DNASE1: variants seen among roughly 807,000 people sequenced by gnomAD.
DNASE1 encodes deoxyribonuclease 1.
Under a neutral mutation model 33.9 loss-of-function variants are expected in DNASE1, and 40 were observed. The ratio of observed to expected loss-of-function variants is 1.18; its 90% CI spans 0.92 to 1.54. The LOEUF is 1.54. Among genes scored for constraint, DNASE1 ranks in the 40% most tolerant of loss-of-function variants. The pLI, the probability that DNASE1 is intolerant of heterozygous loss-of-function variation, is 0.00. For synonymous variants in DNASE1, 216 were observed against 160.0 expected (o/e 1.35, Z -2.64); for missense variants, 518 against 372.6 (o/e 1.39, Z -3.21).
chr16:3,639,411 C>G (rs1448469953), upstream of DNASE1, among the ~76,000 whole-genome samples: 2 of 152,186 alleles, frequency 1.3e-5, no homozygotes, highest in African/African-American at 4.8e-5. Flanking sequence ...ACACCAACCC[C>G]CCGGCTTTCC....
upstream of DNASE1, among the ~76,000 whole-genome samples, chr16:3,638,466 T>A (rs1270574088): frequency 6.6e-6 from 1 of 152,064 alleles, no homozygotes; most frequent in Non-Finnish European, 1.5e-5. Context: ...GCCTCCCGAG[T>A]AGCTGGGACT....
intron 1 of DNASE1, among the ~76,000 whole-genome samples, chr16:3,637,353 T>C (rs2379218): frequency 2.8e-3 from 428 of 152,308 alleles, no homozygotes; most frequent in Middle Eastern, 0.02. Flanking sequence ...TGTTATTATA[T>C]AGGAGCCCTA....
chr16:3,661,846 T>A, downstream of DNASE1: 1 of 1,139,872 alleles, frequency 8.8e-7, no homozygotes, highest in Non-Finnish European at 1.2e-6. Context: ...CAGCCTAAAC[T>A]GCATACAGCT....
intron 1 of DNASE1, among the ~76,000 whole-genome samples, chr16:3,617,326 C>CAAAAAAAAAAAAAAAAA (rs56670885): frequency 1.4e-3 from 82 of 57,710 alleles, no homozygotes; most frequent in African/African-American, 4.5e-3. Context: ...AACTCCATCT[C>CAAAAAAAAAAAAAAAAA]AAAAAAAAAA....
In DNASE1 at chr16:3,657,293, C is replaced by G; in HGVS notation, c.656C>G (p.Pro219Arg). Residue 219 changes from proline to arginine, a missense_variant, in exon 7 of 9, where the codon CCC (proline) becomes CGC (arginine). Physicochemically the swap from Pro to Arg is moderately radical, Grantham distance 103. Coordinates refer to ENST00000246949, the MANE Select transcript of DNASE1 (RefSeq NM_005223.4). ...WTSPTFQWLIPDSADTTATPT... is the reference protein window; with the variant it reads ...WTSPTFQWLIRDSADTTATPT... ...AGCCCCACCTTCCAGTGGCTGATCC[C>G]CGACAGCGCTGACACCACAGCTACA... 6.2e-7 allele frequency: 1 copy of G among 1,613,942 alleles called. No individual in the cohort carries two copies. The highest frequency in any genetic ancestry group is 1.1e-5 in the South Asian group (1 of 91,088).
intron 1 of DNASE1, among the ~76,000 whole-genome samples, chr16:3,619,454 C>T (rs915483447): frequency 2.6e-5 from 4 of 152,018 alleles, no homozygotes; most frequent in South Asian, 2.1e-4. Context: ...CTCTGCCTCC[C>T]AGTTGCATGC....
Position 3,658,086 on chromosome 16 carries a change from G to A in DNASE1, c.*133G>A, listed in dbSNP as rs1316345038. ...TTAGGTAAATAAAGCTCAAGGAGGT[G>A]GGGCTGTCATCTGTGGTGTCAGTCC... On this transcript the variant is annotated 3_prime_UTR_variant, in exon 9 of 9. Transcript: ENST00000246949. 17 of 1,609,592 alleles carry A rather than the reference G, an allele frequency of 1.1e-5. No individual in the cohort carries two copies. The highest frequency in any genetic ancestry group is 5.0e-5 in the Admixed American group (3 of 59,870).
downstream of DNASE1, chr16:3,659,916 G>C (rs2042973883): frequency 6.6e-6 from 1 of 151,934 alleles, no homozygotes; most frequent in Non-Finnish European, 1.5e-5. Flanking sequence ...CCCCCAGCTA[G>C]TTTTTGTATT....
At chr16:3,654,424 C>A (rs988377416), upstream of DNASE1, 3 of 398,624 alleles carry the variant, frequency 7.5e-6, no homozygotes, top group African/African-American at 6.2e-5. Context: ...GTGTCCTGGG[C>A]CACAGAGCAG....
In DNASE1 at chr16:3,663,523, G is replaced by A. The variant is rs1234411684; in HGVS notation, c.*5570G>A. On this transcript the variant is annotated 3_prime_UTR_variant, in exon 10 of 10. Coordinates refer to the DNASE1 transcript ENST00000407479. ...TTCTTGTCAAACTCACGAAGGTGCA[G>A]CAGGGTGAGCTCATCAAACTGCTCA... 6 of 1,614,156 alleles carry A rather than the reference G, an allele frequency of 3.7e-6. No homozygotes were observed. In the East Asian group the frequency reaches 1.1e-4, roughly 30 times the overall value.
At position 3,655,257 on chromosome 16, in the gene DNASE1, G is replaced by A. The variant is rs772537151; in HGVS notation, c.-1-116G>A. On this transcript the variant is annotated intron_variant, in intron 1 of 8. Coordinates refer to ENST00000246949, the MANE Select transcript of DNASE1 (RefSeq NM_005223.4). Reference sequence around the variant, plus strand: ...GTAGGAAAGGGTTTCCCCCGCCTGCGTCCCCCTGACCTTGAGCTCCACCAG... The same window carrying A: ...GTAGGAAAGGGTTTCCCCCGCCTGCATCCCCCTGACCTTGAGCTCCACCAG... The A allele has an allele frequency of 1.7e-4, 240 of 1,432,622 alleles. 1 individual carries two copies. The Middle Eastern group carries it at 1.9e-3, about 11-fold the overall frequency. 88.7% of individuals were successfully genotyped at this position (1,432,622 alleles called of 1,614,324 possible). A position where few individuals can be genotyped will look rare whatever the true frequency, so the allele number is the denominator to read the frequency against.
chr16:3,619,495 G>A (rs1385839891), intron 1 of DNASE1, among the ~76,000 whole-genome samples: 2 of 152,022 alleles, frequency 1.3e-5, no homozygotes, highest in East Asian at 1.9e-4. Flanking sequence ...CCGAGTAGCT[G>A]GGGCTACAGG....
downstream of DNASE1, chr16:3,662,383 C>A (rs1030958067): frequency 1.2e-5 from 7 of 584,062 alleles, no homozygotes; most frequent in Non-Finnish European, 2.1e-5. Flanking sequence ...AGGAGCTGCC[C>A]GAATCCATCG....
At chr16:3,640,699 C>G (rs111480692), upstream of DNASE1, 4 of 398,488 alleles carry the variant, frequency 1.0e-5, no homozygotes, top group Admixed American at 1.3e-4. Flanking sequence ...TAACACTCCC[C>G]TTTTCCTTCT....
intron 1 of DNASE1, among the ~76,000 whole-genome samples, chr16:3,634,329 C>T (rs2041802782): frequency 1.3e-5 from 2 of 150,722 alleles, no homozygotes; most frequent in East Asian, 3.9e-4. Flanking sequence ...CCCAGGTTTG[C>T]ACCATTCTCC....
chr16:3,637,246 T>TA (rs1345350208), intron 1 of DNASE1, among the ~76,000 whole-genome samples: 4 of 152,212 alleles, frequency 2.6e-5, no homozygotes, highest in South Asian at 2.1e-4. Flanking sequence ...GTGTCAGAAC[T>TA]AAAATTTCCT....
At chr16:3,660,260 G>A (rs1232622936), downstream of DNASE1, 1 of 152,194 alleles carries the variant, frequency 6.6e-6, no homozygotes, top group East Asian at 1.9e-4. Flanking sequence ...CTGCACTGGG[G>A]ACACAGGTAG....
chr16:3,615,372 C>T (rs561859627), intron 1 of DNASE1, among the ~76,000 whole-genome samples: 59 of 152,268 alleles, frequency 3.9e-4, no homozygotes, highest in African/African-American at 1.3e-3. Flanking sequence ...GCCACCTTGT[C>T]CTGGACCCTA....
At chr16:3,655,564 AGTCTAG>A (rs748163789) in intron 2 of DNASE1, 44 bp downstream of exon 2, 2 of 1,613,004 alleles carry the variant, frequency 1.2e-6, no homozygotes, top group African/African-American at 2.7e-5. Context: ...GGAGCTCTGG[AGTCTAG>A]GGCTGGTGGG....
Sources: gnomAD v4.1 joint callset for allele counts (sites outside exome capture counted in the v4.1 genomes callset) on GRCh38, gnomAD v4.1.1 for gene constraint, MANE v1.5 for transcripts, NCBI Gene and HGNC (gene_info 2026-07-23, HGNC 2026-07-21) for gene names.